Variants in TENM4 observed in about 807,000 individuals in gnomAD.
The protein encoded by TENM4 is teneurin-4.
A neutral mutation model predicts 243.3 loss-of-function variants in TENM4; 82 were observed. The observed-to-expected ratio is 0.34, with a 90% CI of 0.28 to 0.40. The LOEUF (loss-of-function observed/expected upper bound fraction) is 0.40. TENM4 is among the 10% of genes least tolerant of loss of function. The probability of loss-of-function intolerance (pLI) is 1.00; values close to 1 mark genes in which losing one functional copy is unlikely to be tolerated. For synonymous variants in TENM4, 1,412 were observed against 1,456.3 expected (o/e 0.97, Z 0.69); for missense variants, 3,138 against 3,673.3 (o/e 0.85, Z 3.77).
At chr11:78,702,688 T>C (rs756930127) in intron 27 of TENM4, among the ~76,000 whole-genome samples, 4 of 152,168 alleles carry the variant, frequency 2.6e-5, no homozygotes, top group South Asian at 2.1e-4. Flanking sequence ...TGGAGTCAAA[T>C]AGGCCTGAGT....
intron 9 of TENM4, among the ~76,000 whole-genome samples, chr11:78,865,342 T>G: frequency 6.6e-6 from 1 of 152,170 alleles, no homozygotes; most frequent in East Asian, 1.9e-4. Context: ...TCCCAAACTC[T>G]TCCAATCCTG....
chr11:78,688,467 C>A (rs1361580174), intron 28 of TENM4, among the ~76,000 whole-genome samples: 2 of 152,124 alleles, frequency 1.3e-5, no homozygotes, highest in Admixed American at 6.6e-5. Context: ...CTTCCCTAAC[C>A]CAGTGGGGAT....
intron 9 of TENM4, among the ~76,000 whole-genome samples, chr11:78,863,453 A>G (rs575061639): frequency 2.0e-5 from 3 of 152,356 alleles, no homozygotes; most frequent in South Asian, 4.1e-4. Context: ...TTGGTATGAC[A>G]ATGTTAATTT....
At chr11:78,744,947 GTATT>G (rs1428039069) in intron 19 of TENM4, among the ~76,000 whole-genome samples, 5 of 152,286 alleles carry the variant, frequency 3.3e-5, no homozygotes, top group African/African-American at 1.2e-4. Context: ...GTTGAGGAAA[GTATT>G]TAATATTAGG....
chr11:79,050,166 T>C (rs983016765), intron 6 of TENM4, among the ~76,000 whole-genome samples: 1 of 152,230 alleles, frequency 6.6e-6, no homozygotes, highest in Non-Finnish European at 1.5e-5. Context: ...AAGGGCATTG[T>C]GAGCTATTAT....
chr11:79,067,258 G>A (rs570933014), intron 5 of TENM4, among the ~76,000 whole-genome samples: 51 of 152,244 alleles, frequency 3.3e-4, no homozygotes, highest in African/African-American at 1.2e-3. Context: ...TCTGCCCTCC[G>A]ATTTTGCTCT....
intron 4 of TENM4, among the ~76,000 whole-genome samples, chr11:79,071,388 CA>C (rs1422137663): frequency 6.6e-6 from 1 of 151,750 alleles, no homozygotes; most frequent in African/African-American, 2.4e-5. Context: ...CATCAGATCT[CA>C]GTGTCCAGGG....
At chr11:79,407,568 A>C (rs1261777690) in intron 1 of TENM4, among the ~76,000 whole-genome samples, 1 of 152,260 alleles carries the variant, frequency 6.6e-6, no homozygotes, top group East Asian at 1.9e-4. Context: ...AAGTAGCGAG[A>C]CCTAGATATA....
intron 3 of TENM4, among the ~76,000 whole-genome samples, chr11:79,170,110 G>A (rs1023859275): frequency 6.6e-6 from 1 of 152,002 alleles, no homozygotes; most frequent in African/African-American, 2.4e-5. Flanking sequence ...GGACCTTGGG[G>A]TTTTTGGAGG....
chr11:78,778,641 A>T lies in TENM4; in HGVS notation c.2366-13T>A, dbSNP rs1197708583. ...TCCAGATAGTGAGCTAGGGAGATAA[A>T]AGACAGGACATTTAAGGTAGGATCC... On this transcript the variant is annotated splice_polypyrimidine_tract_variant and intron_variant, in intron 16 of 33. Transcript: ENST00000278550. The T allele has an allele frequency of 6.2e-7, 1 of 1,611,462 alleles. No individual in the cohort carries two copies. Among genetic ancestry groups the T allele is most frequent in the Non-Finnish European group, 8.5e-7 (1 of 1,178,880 alleles).
intron 14 of TENM4, 117 bp from the exon 15 acceptor site, chr11:78,805,609 GC>G (rs1330139245): frequency 8.1e-7 from 1 of 1,237,660 alleles, no homozygotes; most frequent in Non-Finnish European, 1.1e-6. Flanking sequence ...GCAGAAGGAT[GC>G]ATAGGTCACT....
intron 9 of TENM4, among the ~76,000 whole-genome samples, chr11:78,865,000 A>G (rs1466764920): frequency 6.6e-6 from 1 of 152,180 alleles, no homozygotes; most frequent in African/African-American, 2.4e-5. Context: ...GCCCATAGTA[A>G]TTGTATTTAC....
Position 79,239,794 on chromosome 11 carries a change from C to T in TENM4, c.-264-23885G>A, listed in dbSNP as rs142408325. On this transcript the variant is annotated intron_variant, in intron 2 of 33. Transcript: ENST00000278550. Reference sequence around the variant, plus strand: ...TGTGGGCTAAACATCATTACCCCATCCCAGGAATGAGAAAACTGAGGCTTG... The same window carrying T: ...TGTGGGCTAAACATCATTACCCCATTCCAGGAATGAGAAAACTGAGGCTTG... Among the ~76,000 whole-genome samples, 14 of 152,230 alleles carry T rather than the reference C, an allele frequency of 9.2e-5. No homozygotes were observed. In the East Asian group the frequency reaches 2.5e-3, roughly 27 times the overall value.
At chr11:79,161,145 T>C (rs771101651) in intron 3 of TENM4, among the ~76,000 whole-genome samples, 15 of 152,198 alleles carry the variant, frequency 9.9e-5, no homozygotes, top group Non-Finnish European at 1.8e-4. Context: ...TGAGATTTTA[T>C]GTGCAAGAGA....
chr11:79,231,066 A>C (rs1409622012), intron 2 of TENM4, among the ~76,000 whole-genome samples: 1 of 152,220 alleles, frequency 6.6e-6, no homozygotes, highest in African/African-American at 2.4e-5. Flanking sequence ...ATAACTTAAC[A>C]AAAATGAAAG....
intron 1 of TENM4, among the ~76,000 whole-genome samples, chr11:79,316,260 G>T (rs938213932): frequency 2.6e-5 from 4 of 152,164 alleles, no homozygotes; most frequent in Non-Finnish European, 5.9e-5. Context: ...AAGAATGAGA[G>T]AGTGATACTG....
rs1432105118 is a variant in TENM4 at position 78,888,200 on chromosome 11, A to G, written c.1084+1585T>C. 2.0e-5 allele frequency among the ~76,000 whole-genome samples: 3 copies of G among 152,364 alleles called. No individual in the cohort carries two copies. In the East Asian group the frequency reaches 5.8e-4, roughly 29 times the overall value. On this transcript the variant is annotated intron_variant, in intron 9 of 33. Coordinates refer to ENST00000278550, the MANE Select transcript of TENM4 (RefSeq NM_001098816.3). Reference sequence around the variant, plus strand: ...ATGGCAAATACTTGACATGTCATCAATATTCTCCATTTCTGTGACCATAAC... The same window carrying G: ...ATGGCAAATACTTGACATGTCATCAGTATTCTCCATTTCTGTGACCATAAC...
chr11:79,066,677 C>A (rs937667951), intron 5 of TENM4, among the ~76,000 whole-genome samples: 4 of 151,344 alleles, frequency 2.6e-5, no homozygotes, highest in Non-Finnish European at 5.9e-5. Flanking sequence ...CATGCACACA[C>A]ACGCACGCAT....
chr11:79,243,720 T>C lies in TENM4; in HGVS notation c.-264-27811A>G, dbSNP rs139787228. On this transcript the variant is annotated intron_variant, in intron 2 of 33. Transcript: ENST00000278550. ...GGAGCCGGGACTGTGGGAGGCATTT[T>C]CCTAAACCAGGAGAGCAAATATTTC... is the stretch of plus-strand genomic sequence containing the variant. 5.5e-4 allele frequency among the ~76,000 whole-genome samples: 83 copies of C among 152,246 alleles called. 2 individuals carry two copies. In the East Asian group the frequency reaches 6.4e-3, roughly 12 times the overall value.
Sources: gnomAD v4.1 joint callset for allele counts (sites outside exome capture counted in the v4.1 genomes callset) on GRCh38, gnomAD v4.1.1 for gene constraint, MANE v1.5 for transcripts, NCBI Gene and HGNC (gene_info 2026-07-23, HGNC 2026-07-21) for gene names.